RNF17: variants seen among roughly 807,000 people sequenced by gnomAD.
RNF17 encodes spermatogenesis associated 23.
RNF17 carries 31 observed loss-of-function variants against 200.5 expected under a neutral mutation model. The ratio of observed to expected loss-of-function variants is 0.15; its 90% CI spans 0.12 to 0.21. The LOEUF is 0.21. RNF17 is among the 10% of genes least tolerant of loss of function. The pLI is 1.00. For synonymous variants in RNF17, 606 were observed against 637.8 expected, an observed-to-expected ratio of 0.95 and a Z score of 0.75; for missense variants, 1,628 against 1,905.1, an observed-to-expected ratio of 0.85 and a Z score of 2.71.
intron 19 of RNF17, among the ~76,000 whole-genome samples, chr13:24,843,111 A>G (rs1226137225): frequency 6.6e-6 from 1 of 152,152 alleles, no homozygotes; most frequent in African/African-American, 2.4e-5. Context: ...AGTATTAATG[A>G]TCTGTGGACA....
the RNF17 span, among the ~76,000 whole-genome samples, chr13:24,755,938 A>G: frequency 1.3e-5 from 2 of 152,212 alleles, no homozygotes; most frequent in Admixed American, 6.5e-5. Context: ...TTAAAATAGT[A>G]TGTAAAGCAA....
At chr13:24,872,110 ATCACC>A (rs1216618137) in intron 32 of RNF17, among the ~76,000 whole-genome samples, 1 of 151,206 alleles carries the variant, frequency 6.6e-6, no homozygotes, top group Non-Finnish European at 1.5e-5. Flanking sequence ...ACAGGCATGC[ATCACC>A]TCGCCTGTCT....
chr13:24,848,448 G>A (rs372595087), intron 22 of RNF17, among the ~76,000 whole-genome samples: 1 of 152,158 alleles, frequency 6.6e-6, no homozygotes, highest in East Asian at 1.9e-4. Flanking sequence ...GATCACTTGA[G>A]GTCAGGAGTT....
At chr13:24,778,216 G>T (rs1881843524) in intron 3 of RNF17, 79 bp from the exon 4 acceptor site, 2 of 899,668 alleles carry the variant, frequency 2.2e-6, no homozygotes, top group Non-Finnish European at 1.8e-6. Flanking sequence ...GAGCCATGAT[G>T]GTGCCACTGC....
At position 24,804,349 on chromosome 13, in the gene RNF17, C is replaced by G; in HGVS notation, c.2011C>G (p.Pro671Ala). The G allele has an allele frequency of 2.5e-6, 4 of 1,611,286 alleles. No individual in the cohort carries two copies. Among genetic ancestry groups the G allele is most frequent in the Non-Finnish European group, 3.4e-6 (4 of 1,177,498 alleles). The change falls in exon 15 of 36, where the codon CCT (proline) becomes GCT (alanine). Residue 671 changes from proline (P) to alanine (A), a missense_variant. Pro to Ala is a conservative substitution (Grantham distance 27, BLOSUM62 -1). Around this residue, in one of 5 missense-constraint regions of RNF17, gnomAD observed 289 missense variants for 384.9 expected, o/e 0.75. Coordinates refer to ENST00000255324, the MANE Select transcript of RNF17 (RefSeq NM_031277.3). The part of the protein sequence containing the change: ...EKNTTLHYHP[P>A]ILPKEMTDVS... ...AAATACTACTTTACACTATCATCCACCTATTTTGCCTAAAGAAATGACAGA... is the reference window on the plus strand; with the variant it reads ...AAATACTACTTTACACTATCATCCAGCTATTTTGCCTAAAGAAATGACAGA...
chr13:24,884,991 G>A, the RNF17 span, among the ~76,000 whole-genome samples: 736 of 152,316 alleles, frequency 4.8e-3, 4 homozygotes, highest in Non-Finnish European at 7.6e-3. Context: ...AGCTGGAGAT[G>A]AGGAGAGAGG....
chr13:24,882,580 A>ACAT (rs556220652), downstream of RNF17: 3 of 153,554 alleles, frequency 2.0e-5, no homozygotes, highest in South Asian at 2.0e-4. Flanking sequence ...CCATTTTGAG[A>ACAT]CATTACATTA....
intron 18 of RNF17, among the ~76,000 whole-genome samples, chr13:24,835,291 G>A (rs1040116027): frequency 6.6e-6 from 1 of 151,972 alleles, no homozygotes; most frequent in African/African-American, 2.4e-5. Context: ...CTACGGCCCC[G>A]CCCATCGCCG....
chr13:24,782,484 A>G (rs896182873), intron 6 of RNF17, among the ~76,000 whole-genome samples: 6 of 151,978 alleles, frequency 3.9e-5, no homozygotes, highest in African/African-American at 1.5e-4. Flanking sequence ...AGGTGTACAT[A>G]ACGGTGCCCA....
intron 6 of RNF17, among the ~76,000 whole-genome samples, chr13:24,784,369 A>C (rs1292324077): frequency 6.6e-6 from 1 of 152,184 alleles, no homozygotes; most frequent in Non-Finnish European, 1.5e-5. Flanking sequence ...AGAGTGAGTT[A>C]GGGAACGTTT....
At chr13:24,822,920 T>C (rs929926591) in intron 15 of RNF17, among the ~76,000 whole-genome samples, 3 of 152,254 alleles carry the variant, frequency 2.0e-5, no homozygotes, top group Admixed American at 2.0e-4. Context: ...CTTGACACTT[T>C]GTGTCATATC....
At position 24,793,231 on chromosome 13, in the gene RNF17, C is replaced by A. The variant is rs139789732; in HGVS notation, c.1125C>A (p.Asn375Lys). Residue 375 changes from asparagine (N) to lysine (K), a missense_variant, in exon 10 of 36, where the codon AAC (asparagine) becomes AAA (lysine). Physicochemically the swap from Asn to Lys is moderately conservative, Grantham distance 94 (BLOSUM62 0). This residue lies in a region of RNF17 where 502 missense variants were observed against 501.7 expected (regional missense o/e 1.00). Coordinates refer to ENST00000255324, the MANE Select transcript of RNF17 (RefSeq NM_031277.3). ...ATGATGTACATTTAGAAGCAAAAAA[C>A]TTCCAGCCACAGAAAGACGTTGCAA... is the stretch of plus-strand genomic sequence containing the variant. ...ETNDVHLEAK[N>K]FQPQKDVATA... The A allele has an allele frequency of 1.4e-5, 22 of 1,613,976 alleles. No homozygotes were observed. The highest frequency in any genetic ancestry group is 8.3e-5 in the Admixed American group (5 of 59,980).
chr13:24,787,786 G>A lies in RNF17; in HGVS notation c.612-202G>A, dbSNP rs113271786. 5.6e-3 allele frequency among the ~76,000 whole-genome samples: 850 copies of A among 152,130 alleles called. 3 individuals carry two copies. The highest frequency in any genetic ancestry group is 0.019 in the African/African-American group (783 of 41,506). ...ATAATACATTTCAGTTCAATTTAATGCCTCATTTACCATGTTATATGTTAA... is the reference window on the plus strand; with the variant it reads ...ATAATACATTTCAGTTCAATTTAATACCTCATTTACCATGTTATATGTTAA... On this transcript the variant is annotated intron_variant, in intron 6 of 35. Coordinates refer to ENST00000255324, the MANE Select transcript of RNF17 (RefSeq NM_031277.3).
chr13:24,885,909 G>A, the RNF17 span: 2 of 528,954 alleles, frequency 3.8e-6, no homozygotes, highest in East Asian at 3.4e-5. Context: ...AGAGACAGGT[G>A]ATGAAACAGC....
In RNF17 at chr13:24,802,506, G is replaced by C; in HGVS notation, c.1884G>C (p.Pro628=). The C allele has an allele frequency of 6.2e-7, 1 of 1,613,716 alleles. No homozygotes were observed. The highest frequency in any genetic ancestry group is 8.5e-7 in the Non-Finnish European group (1 of 1,179,856). ...TTGTAGATCTGCAAAAACCACCACC[G>C]AATAAAATAAGCAGTGATATGCCTG... ...VLIVDLQKPP[P]NKISSDMPVS... is the part of the protein sequence containing the mutation. Residue 628 remains proline (P), a synonymous_variant, in exon 14 of 36, where the codon CCG becomes CCC. Transcript: ENST00000255324.
intron 33 of RNF17, 142 bp downstream of exon 33, chr13:24,874,391 A>G (rs1380578098): frequency 1.0e-5 from 6 of 595,730 alleles, no homozygotes; most frequent in Non-Finnish European, 1.6e-5. Context: ...GTGTTAAAGT[A>G]TACATAAAAT....
downstream of RNF17, chr13:24,884,004 T>G: frequency 6.2e-7 from 1 of 1,614,188 alleles, no homozygotes; most frequent in South Asian, 1.1e-5. Flanking sequence ...AAATGCTTTC[T>G]TCTTGTCCAT....
intron 16 of RNF17, 37 bp from the exon 17 acceptor site, chr13:24,830,447 T>G: frequency 1.5e-6 from 2 of 1,313,332 alleles, no homozygotes; most frequent in Non-Finnish European, 2.2e-6. Context: ...TAATTCTGTT[T>G]CCAAGTTTGT....
intron 2 of RNF17, among the ~76,000 whole-genome samples, chr13:24,771,323 C>CTTTTTTTTTTTTT (rs35220494): frequency 1.4e-4 from 11 of 78,016 alleles, no homozygotes; most frequent in African/African-American, 3.2e-4. Context: ...CACAGATAAT[C>CTTTTTTTTTTTTT]TTTTTTTTTT....
Sources: gnomAD v4.1 joint callset for allele counts (sites outside exome capture counted in the v4.1 genomes callset) on GRCh38, gnomAD v4.1.1 for gene constraint, gnomAD v4.1.1 regional missense constraint, MANE v1.5 for transcripts, NCBI Gene and HGNC (gene_info 2026-07-23, HGNC 2026-07-21) for gene names.